The following UBFD1 variants were observed in gnomAD, a reference collection of about 807,000 sequenced individuals.
UBFD1 encodes ubiquitin domain-containing protein UBFD1.
UBFD1 carries 12 observed loss-of-function variants against 35.1 expected under a neutral mutation model. The ratio of observed to expected loss-of-function variants is 0.34; its 90% CI spans 0.22 to 0.55. The LOEUF is 0.55. Ranked by LOEUF, UBFD1 falls within the 20% of genes least tolerant of loss-of-function variation. The pLI, the probability that UBFD1 is intolerant of heterozygous loss-of-function variation, is 0.89. For synonymous variants in UBFD1, 178 were observed against 167.6 expected (o/e 1.06, Z -0.48); for missense variants, 337 against 410.8 (o/e 0.82, Z 1.55).
rs1390273114 is a variant in UBFD1 at position 23,558,184 on chromosome 16, A to T, written c.260A>T (p.Asp87Val). The T allele has an allele frequency of 6.2e-7, 1 of 1,607,926 alleles. No individual in the cohort carries two copies. Among genetic ancestry groups the T allele is most frequent in the South Asian group, 1.1e-5 (1 of 90,214 alleles). Residue 87 changes from aspartate to valine, a missense_variant, in exon 2 of 7, where the codon GAC becomes GTC. Asp to Val is a radical substitution (Grantham distance 152). Coordinates refer to ENST00000395878, the MANE Select transcript of UBFD1 (RefSeq NM_019116.3). ...GGCGGCGCGGGCAGGGAGCTGGTGG[A>T]CTTGAAGATCATCTGGAATAAGACC... ...AGGGAGRELV[D>V]LKIIWNKTKH...
In UBFD1 at chr16:23,571,303, A is replaced by T. The variant is rs1966081378; in HGVS notation, c.*713A>T. On this transcript the variant is annotated 3_prime_UTR_variant, in exon 7 of 7. Transcript: ENST00000395878. Reference sequence around the variant, plus strand: ...AAGAGCTGCTCAGTCTTGGGCAAGGAGCTCTCACACTTGCTGTGGTGTTCG... The same window carrying T: ...AAGAGCTGCTCAGTCTTGGGCAAGGTGCTCTCACACTTGCTGTGGTGTTCG... 5 of 152,638 alleles carry T rather than the reference A, an allele frequency of 3.3e-5. No individual in the cohort carries two copies. Among genetic ancestry groups the T allele is most frequent in the Admixed American group, 3.3e-4 (5 of 15,282 alleles). The allele number at this position is 152,638 out of a possible 1,614,324, so 9.5% of individuals were successfully genotyped here. A position where few individuals can be genotyped will look rare whatever the true frequency, so the allele number is the denominator to read the frequency against.
rs990358587 is a variant in UBFD1 at position 23,567,028 on chromosome 16, G to A, written c.778G>A (p.Val260Ile). 1.2e-6 allele frequency: 2 copies of A among 1,614,178 alleles called. No homozygotes were observed. The highest frequency in any genetic ancestry group is 3.3e-5 in the Admixed American group (2 of 60,028). Residue 260 changes from valine to isoleucine, a missense_variant, in exon 6 of 7, where the codon GTC becomes ATC. Around this residue, in one of 4 missense-constraint regions of UBFD1, gnomAD observed 71 missense variants for 149.6 expected, o/e 0.47. Coordinates refer to ENST00000395878, the MANE Select transcript of UBFD1 (RefSeq NM_019116.3). ...KLPMGSIKNV[V>I]SEPIEGHEDY... ...GCCCATGGGCTCCATAAAAAATGTGGTCAGTGAACCTATCGAAGGACATGA... is the reference window on the plus strand; with the variant it reads ...GCCCATGGGCTCCATAAAAAATGTGATCAGTGAACCTATCGAAGGACATGA...
intron 2 of UBFD1, 26 bp downstream of exon 2, chr16:23,558,305 G>T (rs778444046): frequency 2.5e-6 from 4 of 1,592,844 alleles, no homozygotes; most frequent in Non-Finnish European, 2.6e-6. Flanking sequence ...CTGACAGCCA[G>T]TCTTCCCCAC....
chr16:23,558,352 C>G, intron 2 of UBFD1, 73 bp downstream of exon 2: 1 of 1,540,426 alleles, frequency 6.5e-7, no homozygotes, highest in Non-Finnish European at 8.7e-7. Context: ...TACTAGGCAC[C>G]TGGTGGCTTT....
intron 2 of UBFD1, 136 bp downstream of exon 2, chr16:23,558,415 T>G: frequency 9.0e-7 from 1 of 1,116,480 alleles, no homozygotes; most frequent in Non-Finnish European, 1.2e-6. Flanking sequence ...GATACTTGGA[T>G]GCCCATTACT....
At chr16:23,567,328 G>T (rs1445588236) in intron 6 of UBFD1, among the ~76,000 whole-genome samples, 1 of 152,168 alleles carries the variant, frequency 6.6e-6, no homozygotes, top group Non-Finnish European at 1.5e-5. Flanking sequence ...TTTTAGAAAA[G>T]TCTCTCTTGC....
In UBFD1 at chr16:23,570,699, A is replaced by G; in HGVS notation, c.*109A>G. ...AGTTCTGGAACTTTGTTCATAAAAA[A>G]TCTATATTCAATCTGAGGTGATGTG... On this transcript the variant is annotated 3_prime_UTR_variant, in exon 7 of 7. Coordinates refer to ENST00000395878, the MANE Select transcript of UBFD1 (RefSeq NM_019116.3). 1.2e-6 allele frequency: 1 copy of G among 867,322 alleles called. No individual in the cohort carries two copies. The highest frequency in any genetic ancestry group is 1.8e-6 in the Non-Finnish European group (1 of 555,908). 53.7% of individuals were successfully genotyped at this position (867,322 alleles called of 1,614,324 possible).
chr16:23,567,190 T>G, intron 6 of UBFD1, 121 bp downstream of exon 6: 1 of 877,584 alleles, frequency 1.1e-6, no homozygotes, highest in South Asian at 1.6e-5. Flanking sequence ...TGCACTTTTT[T>G]AAGACCCTGA....
chr16:23,567,127 G>A lies in UBFD1; in HGVS notation c.819+58G>A, dbSNP rs1051893418. 7.2e-6 allele frequency: 11 copies of A among 1,531,088 alleles called. No individual in the cohort carries two copies. The African/African-American group carries it at 8.2e-5, about 11-fold the overall frequency. 94.8% of individuals were successfully genotyped at this position (1,531,088 alleles called of 1,614,324 possible). A position where few individuals can be genotyped will look rare whatever the true frequency, so the allele number is the denominator to read the frequency against. On this transcript the variant is annotated intron_variant, in intron 6 of 6. Transcript: ENST00000395878. ...ACTAGACTCCCACTTCACCTGGCAG[G>A]GAACAGTTTTAACTGAGCTTGTTTA...
chr16:23,562,631 C>T lies in UBFD1; in HGVS notation c.637C>T (p.Leu213=), dbSNP rs188562444. The change falls in exon 5 of 7, where the codon CTG becomes TTG. Residue 213 remains leucine (L), a synonymous_variant. Transcript: ENST00000395878. ...MPSVKGAQER[L]PTVPLSGMYN... ...CATTCTCTCGTGCCTTCAGGAGCGC[C>T]TGCCAACGGTACCGCTGTCCGGCAT... 4.2e-5 allele frequency: 68 copies of T among 1,614,018 alleles called. 1 individual carries two copies. The African/African-American group carries it at 8.5e-4, about 20-fold the overall frequency.
chr16:23,568,037 G>C (rs1023725524), intron 6 of UBFD1, among the ~76,000 whole-genome samples: 8 of 152,266 alleles, frequency 5.3e-5, no homozygotes, highest in Non-Finnish European at 1.0e-4. Context: ...CCTGCCTAGT[G>C]TGGCTGTAGC....
chr16:23,572,387 G>C lies in UBFD1; in HGVS notation c.*1797G>C, dbSNP rs1966097416. 1 of 152,274 alleles carries C rather than the reference G, an allele frequency of 6.6e-6. No homozygotes were observed. The highest frequency in any genetic ancestry group is 2.4e-5 in the African/African-American group (1 of 41,458). The allele number at this position is 152,274 out of a possible 1,614,324, so 9.4% of individuals were successfully genotyped here. A position where few individuals can be genotyped will look rare whatever the true frequency, so the allele number is the denominator to read the frequency against. ...ATCTGAGCTACTTGTCCAAGCCTCT[G>C]TCTGCAGGTGACAGGTTTTGGGGGA... On this transcript the variant is annotated 3_prime_UTR_variant, in exon 7 of 7. Transcript: ENST00000395878.
chr16:23,573,420 C>T lies in UBFD1; in HGVS notation c.*2830C>T, dbSNP rs1314847771. On this transcript the variant is annotated 3_prime_UTR_variant, in exon 7 of 7. Coordinates refer to ENST00000395878, the MANE Select transcript of UBFD1 (RefSeq NM_019116.3). ...GCCTTTTTTTCCCTCCCTGAGGCGC[C>T]TTGGCAGAAGAGCGTGACCCTGTGA... is the stretch of plus-strand genomic sequence containing the variant. 1 of 152,240 alleles carries T rather than the reference C, an allele frequency of 6.6e-6. No homozygotes were observed. The highest frequency in any genetic ancestry group is 1.5e-5 in the Non-Finnish European group (1 of 68,060). 9.4% of individuals were successfully genotyped at this position (152,240 alleles called of 1,614,324 possible).
chr16:23,567,513 C>G (rs1966027934), intron 6 of UBFD1, among the ~76,000 whole-genome samples: 1 of 152,230 alleles, frequency 6.6e-6, no homozygotes, highest in African/African-American at 2.4e-5. Context: ...GCCGCTCTTC[C>G]AGGCCCAGTG....
chr16:23,559,831 C>T, intron 3 of UBFD1, 155 bp downstream of exon 3: 1 of 1,540,052 alleles, frequency 6.5e-7, no homozygotes, highest in Non-Finnish European at 8.7e-7. Context: ...GTGGAGGTGA[C>T]AACTACCTGA....
Position 23,566,994 on chromosome 16 carries a change from T to G in UBFD1, c.744T>G (p.Thr248=), listed in dbSNP as rs1567401403. ...TAATCCCTCTCAACTTAGAGCGGAC[T>G]GAGAAATTGCCCATGGGCTCCATAA... The part of the protein sequence containing the change: ...DQLWIGTKER[T]EKLPMGSIKN... The change falls in exon 6 of 7, where the codon ACT becomes ACG. Residue 248 remains threonine (T), a synonymous_variant. Transcript: ENST00000395878. 6.2e-7 allele frequency: 1 copy of G among 1,614,166 alleles called. No individual in the cohort carries two copies. The highest frequency in any genetic ancestry group is 2.2e-5 in the East Asian group (1 of 44,890).
At chr16:23,568,838 AAAAC>A (rs1353545419) in intron 6 of UBFD1, 5 of 152,142 alleles carry the variant, frequency 3.3e-5, no homozygotes, top group Non-Finnish European at 5.9e-5. Context: ...AACAAACAAA[AAAAC>A]AAAACAAAAA....
At chr16:23,560,998 T>G (rs1267267680) in intron 3 of UBFD1, among the ~76,000 whole-genome samples, 2 of 152,228 alleles carry the variant, frequency 1.3e-5, no homozygotes, top group African/African-American at 4.8e-5. Flanking sequence ...AATACAGGTT[T>G]TTAGTTACTA....
At chr16:23,561,310 CCTAGTGCTTA>C (rs1965929780) in intron 3 of UBFD1, among the ~76,000 whole-genome samples, 1 of 152,174 alleles carries the variant, frequency 6.6e-6, no homozygotes, top group Admixed American at 6.5e-5. Flanking sequence ...CTTGTGGCTG[CCTAGTGCTTA>C]CATTTGATTA....
Sources: allele counts gnomAD v4.1 joint callset (sites outside exome capture counted in the v4.1 genomes callset), GRCh38; gene constraint gnomAD v4.1.1; regional missense constraint gnomAD v4.1.1; transcripts MANE v1.5; gene names NCBI Gene and HGNC (gene_info 2026-07-23, HGNC 2026-07-21).